BCL11B: variants seen among roughly 807,000 people sequenced by gnomAD.
BCL11B encodes BCL11 transcription factor B, also known as B-cell lymphoma/leukemia 11B.
In BCL11B, 8 loss-of-function variants were observed where a neutral mutation model predicts 49.9. That is an observed-to-expected ratio of 0.16 (90% CI 0.09 to 0.29). BCL11B has a LOEUF of 0.29. Ranked by LOEUF, BCL11B falls within the 10% of genes least tolerant of loss-of-function variation. The pLI, the probability that BCL11B is intolerant of heterozygous loss-of-function variation, is 1.00. For synonymous variants in BCL11B, 739 were observed against 637.4 expected, an observed-to-expected ratio of 1.16 and a Z score of -2.40; for missense variants, 1,006 against 1,351.0, an observed-to-expected ratio of 0.74 and a Z score of 4.00.
chr14:99,252,008 T>G (rs1352410365), intron 2 of BCL11B, among the ~76,000 whole-genome samples: 1 of 152,140 alleles, frequency 6.6e-6, no homozygotes. Context: ...AAGAATTAAG[T>G]GAGATAACCC....
At chr14:99,261,249 C>A (rs904957548) in intron 1 of BCL11B, among the ~76,000 whole-genome samples, 8 of 152,216 alleles carry the variant, frequency 5.3e-5, no homozygotes, top group African/African-American at 1.9e-4. Flanking sequence ...TTTGTAGACA[C>A]CCCCAAAGAC....
At position 99,184,681 on chromosome 14, in the gene BCL11B, G is replaced by A. The variant is rs118065640; in HGVS notation, c.641-8486C>T. Among the ~76,000 whole-genome samples the A allele has an allele frequency of 7.4e-4, 112 of 152,250 alleles. No individual in the cohort carries two copies. In the East Asian group the frequency reaches 0.02, roughly 27 times the overall value. ...GGTGACCATCCCTGGGAAGGAGCCTGAGCCAGCCCTGTCTAATCATTCCGC... is the reference window on the plus strand; with the variant it reads ...GGTGACCATCCCTGGGAAGGAGCCTAAGCCAGCCCTGTCTAATCATTCCGC... On this transcript the variant is annotated intron_variant, in intron 3 of 3. Transcript: ENST00000357195. The surrounding 1 kb of genome is among the most constrained non-coding windows in gnomAD (Gnocchi z 6.1).
In BCL11B at chr14:99,271,965, G is replaced by A. The variant is rs1889703182; in HGVS notation, c.-747C>T. Among the ~76,000 whole-genome samples, 1 of 152,024 alleles carries A rather than the reference G, an allele frequency of 6.6e-6. No homozygotes were observed. Among genetic ancestry groups the A allele is most frequent in the African/African-American group, 2.4e-5 (1 of 41,422 alleles). ...CTTCCGAGGCTCTGGGGGGACACCAGGAGAGGCTCCTTCCCAGTTCACCTG... is the reference window on the plus strand; with the variant it reads ...CTTCCGAGGCTCTGGGGGGACACCAAGAGAGGCTCCTTCCCAGTTCACCTG... On this transcript the variant is annotated 5_prime_UTR_variant, in exon 1 of 4. Transcript: ENST00000357195.
rs1269804681 is a variant in BCL11B, at chr14:99,170,558, T to C, written c.*3593A>G. 1 of 228,886 alleles carries C rather than the reference T, an allele frequency of 4.4e-6. No homozygotes were observed. The highest frequency in any genetic ancestry group is 8.6e-6 in the Non-Finnish European group (1 of 116,228). The allele number at this position is 228,886 out of a possible 1,614,324, so 14.2% of individuals were successfully genotyped here. A position where few individuals can be genotyped will look rare whatever the true frequency, so the allele number is the denominator to read the frequency against. Reference sequence around the variant, plus strand: ...GAGGAACAGACAGGAAGAAAAGAAATTAAATAAAAAATGAAAGAAAAAAAA... The same window carrying C: ...GAGGAACAGACAGGAAGAAAAGAAACTAAATAAAAAATGAAAGAAAAAAAA... On this transcript the variant is annotated 3_prime_UTR_variant, in exon 4 of 4. Coordinates refer to ENST00000357195, the MANE Select transcript of BCL11B (RefSeq NM_138576.4).
intron 2 of BCL11B, among the ~76,000 whole-genome samples, chr14:99,244,822 A>G (rs1888776937): frequency 6.6e-6 from 1 of 152,256 alleles, no homozygotes; most frequent in Non-Finnish European, 1.5e-5. Flanking sequence ...CCGTTTACAC[A>G]ATACTCGCCT....
chr14:99,258,864 T>C (rs938629642), intron 1 of BCL11B, among the ~76,000 whole-genome samples: 3 of 151,596 alleles, frequency 2.0e-5, no homozygotes, highest in Non-Finnish European at 4.4e-5. Flanking sequence ...TGTTTTTATA[T>C]TTCTTTAGCA....
At chr14:99,200,344 C>A (rs182312625) in intron 3 of BCL11B, among the ~76,000 whole-genome samples, 5 of 152,230 alleles carry the variant, frequency 3.3e-5, no homozygotes, top group Non-Finnish European at 1.5e-5. Context: ...CTGTGTCATT[C>A]CCACTCACAA....
rs1274911424 is a variant in BCL11B, at chr14:99,175,101, C to T, written c.1735G>A (p.Ala579Thr). Reference protein sequence around the residue: ...GGGGVPGVPGAGGGAAKALAD... With the variant: ...GGGGVPGVPGTGGGAAKALAD... ...AGCGCCTTGGCCGCGCCGCCCCCCGCGCCCGGGACCCCGGGCACCCCACCA... is the reference window on the plus strand; with the variant it reads ...AGCGCCTTGGCCGCGCCGCCCCCCGTGCCCGGGACCCCGGGCACCCCACCA... The change falls in exon 4 of 4, where the codon GCG (alanine) becomes ACG (threonine). Residue 579 changes from alanine (A) to threonine (T), a missense_variant. Ala to Thr is a moderately conservative substitution (Grantham distance 58). Coordinates refer to ENST00000357195, the MANE Select transcript of BCL11B (RefSeq NM_138576.4). 3.5e-5 allele frequency: 56 copies of T among 1,598,368 alleles called. No individual in the cohort carries two copies. Among genetic ancestry groups the T allele is most frequent in the Non-Finnish European group, 4.3e-5 (51 of 1,175,920 alleles).
chr14:99,251,102 C>T (rs1185196751), intron 2 of BCL11B, among the ~76,000 whole-genome samples: 1 of 152,170 alleles, frequency 6.6e-6, no homozygotes, highest in African/African-American at 2.4e-5. Flanking sequence ...GGGAGATGGC[C>T]TCAAGCTACA....
At chr14:99,197,083 G>A (rs1353649230) in intron 3 of BCL11B, among the ~76,000 whole-genome samples, 1 of 152,208 alleles carries the variant, frequency 6.6e-6, no homozygotes, top group Non-Finnish European at 1.5e-5. Flanking sequence ...TGTTACAGGT[G>A]AAGGAACTGA....
At chr14:99,187,662 C>CAAA (rs11385017) in intron 3 of BCL11B, among the ~76,000 whole-genome samples, 3 of 136,176 alleles carry the variant, frequency 2.2e-5, no homozygotes, top group Non-Finnish European at 3.1e-5. Flanking sequence ...GATAAACAGG[C>CAAA]AAAAAAAAAA....
At chr14:99,199,170 G>A (rs530658976) in intron 3 of BCL11B, among the ~76,000 whole-genome samples, 76 of 152,212 alleles carry the variant, frequency 5.0e-4, no homozygotes, top group African/African-American at 1.7e-3. Flanking sequence ...GGTAATTACC[G>A]TGACCAGCCT....
At position 99,213,173 on chromosome 14, in the gene BCL11B, G is replaced by A. The variant is rs189134827; in HGVS notation, c.640+18172C>T. Among the ~76,000 whole-genome samples, 2 of 152,286 alleles carry A rather than the reference G, an allele frequency of 1.3e-5. No individual in the cohort carries two copies. On this transcript the variant is annotated intron_variant, in intron 3 of 3. Coordinates refer to ENST00000357195, the MANE Select transcript of BCL11B (RefSeq NM_138576.4). The surrounding 1 kb of genome is among the most constrained non-coding windows in gnomAD (Gnocchi z 5.1). ...TCAGCTGGGCAGGAATCATTTGCAA[G>A]AATCAGATGCTGAGACCATGCCCAG... is the stretch of plus-strand genomic sequence containing the variant.
chr14:99,224,279 T>G (rs1163505364), intron 3 of BCL11B, among the ~76,000 whole-genome samples: 1 of 152,160 alleles, frequency 6.6e-6, no homozygotes. Flanking sequence ...TCTGTCCAAG[T>G]TCTGCTATTT....
chr14:99,271,263 G>GGGGGGAGCCGGGGGA lies in BCL11B; in HGVS notation c.-60_-46dup, dbSNP rs1889671109. ...GCATCGCCCGGAGAGCTGCACTGAT[G>GGGGGGAGCCGGGGGA]GGGGGAGCCGGGGGAGGGGGTCCGA... On this transcript the variant is annotated 5_prime_UTR_variant, in exon 1 of 4. Transcript: ENST00000357195. The GGGGGGAGCCGGGGGA allele has an allele frequency of 3.1e-6, 4 of 1,290,406 alleles. No individual in the cohort carries two copies. Among genetic ancestry groups the GGGGGGAGCCGGGGGA allele is most frequent in the Admixed American group, 6.8e-5 (2 of 29,428 alleles). The allele number at this position is 1,290,406 out of a possible 1,614,324, so 79.9% of individuals were successfully genotyped here. A position where few individuals can be genotyped will look rare whatever the true frequency, so the allele number is the denominator to read the frequency against.
intron 3 of BCL11B, among the ~76,000 whole-genome samples, chr14:99,211,116 G>C (rs1340520246): frequency 6.6e-6 from 1 of 152,204 alleles, no homozygotes; most frequent in Non-Finnish European, 1.5e-5. Flanking sequence ...GTAATACCAT[G>C]ATCTCCTTTT....
chr14:99,256,895 T>A (rs2139951772), intron 2 of BCL11B, among the ~76,000 whole-genome samples: 1 of 152,126 alleles, frequency 6.6e-6, no homozygotes. Flanking sequence ...ACCTCTGAGA[T>A]CAGGGGGCCT....
intron 3 of BCL11B, among the ~76,000 whole-genome samples, chr14:99,181,472 C>A (rs1292480365): frequency 6.6e-6 from 1 of 152,224 alleles, no homozygotes; most frequent in African/African-American, 2.4e-5. Flanking sequence ...TCAGGCTTCC[C>A]AACCCCTGAG....
chr14:99,250,407 G>A (rs985616161), intron 2 of BCL11B, among the ~76,000 whole-genome samples: 3 of 151,708 alleles, frequency 2.0e-5, no homozygotes, highest in Admixed American at 6.6e-5. Context: ...CAGCCTGGGC[G>A]ACAGCGAGAC....
Sources: allele counts gnomAD v4.1 joint callset (sites outside exome capture counted in the v4.1 genomes callset), GRCh38; gene constraint gnomAD v4.1.1; non-coding constraint Gnocchi (gnomAD v3.1); transcripts MANE v1.5; gene names NCBI Gene and HGNC (gene_info 2026-07-23, HGNC 2026-07-21).